The following ZNF227 variants were observed in gnomAD, a reference collection of about 807,000 sequenced individuals.
ZNF227 encodes the protein zinc finger protein 227.
A neutral mutation model predicts 13.2 loss-of-function variants in ZNF227; 12 were observed. That is an observed-to-expected ratio of 0.91 (90% CI 0.58 to 1.47). The LOEUF (loss-of-function observed/expected upper bound fraction) is 1.47. ZNF227 is among the 40% of genes most tolerant of loss of function. ZNF227 has a pLI of 0.00. For synonymous variants in ZNF227, 338 were observed against 326.0 expected, an observed-to-expected ratio of 1.04 and a Z score of -0.40; for missense variants, 885 against 967.5, an observed-to-expected ratio of 0.91 and a Z score of 1.13.
chr19:44,230,853 C>T (rs1973702931), intron 5 of ZNF227, among the ~76,000 whole-genome samples: 1 of 141,156 alleles, frequency 7.1e-6, no homozygotes, highest in Non-Finnish European at 1.5e-5. Flanking sequence ...GAGAGGATCA[C>T]TTGAGCTGAA....
intron 3 of ZNF227, among the ~76,000 whole-genome samples, chr19:44,223,319 G>C (rs530650121): frequency 6.6e-6 from 1 of 152,296 alleles, no homozygotes; most frequent in East Asian, 1.9e-4. Flanking sequence ...CTATTGATTG[G>C]AATAGTTTCA....
At chr19:44,233,452 G>T (rs1974069040) in intron 5 of ZNF227, among the ~76,000 whole-genome samples, 1 of 151,884 alleles carries the variant, frequency 6.6e-6, no homozygotes, top group South Asian at 2.1e-4. Flanking sequence ...TTAACAGTGG[G>T]GATAAAGCAA....
chr19:44,228,618 A>ATC, intron 4 of ZNF227, 46 bp downstream of exon 4: 2 of 1,559,172 alleles, frequency 1.3e-6, no homozygotes, highest in Middle Eastern at 1.7e-4. Flanking sequence ...TCCCTTGAGA[A>ATC]TCTCTTTGCT....
intron 5 of ZNF227, among the ~76,000 whole-genome samples, chr19:44,231,748 T>A (rs917439760): frequency 5.3e-5 from 8 of 152,226 alleles, no homozygotes; most frequent in African/African-American, 1.9e-4. Context: ...CCAGTGTGAT[T>A]AATTATTTGG....
At chr19:44,214,621 G>T (rs1971655617) in intron 2 of ZNF227, among the ~76,000 whole-genome samples, 1 of 151,952 alleles carries the variant, frequency 6.6e-6, no homozygotes, top group South Asian at 2.1e-4. Flanking sequence ...CAGGTAATCC[G>T]CCCACCTCGG....
At chr19:44,222,259 T>A (rs1972607066) in intron 3 of ZNF227, among the ~76,000 whole-genome samples, 1 of 152,194 alleles carries the variant, frequency 6.6e-6, no homozygotes, top group South Asian at 2.1e-4. Context: ...CTTTTTTGGT[T>A]CCATATGAAC....
In ZNF227 at chr19:44,229,822, T is replaced by C. The variant is rs1237978850; in HGVS notation, c.271+6T>C. The C allele has an allele frequency of 4.5e-6, 7 of 1,554,630 alleles. No individual in the cohort carries two copies. Among genetic ancestry groups the C allele is most frequent in the Admixed American group, 1.7e-5 (1 of 57,638 alleles). ...GGAAACAGAAACCCAAAGAAGTAGG[T>C]ATTCTGGTGAGAACCCTGTGTCTGT... On this transcript the variant is annotated splice_donor_region_variant and intron_variant, in intron 5 of 5. Coordinates refer to ENST00000313040, the MANE Select transcript of ZNF227 (RefSeq NM_182490.3).
chr19:44,228,952 A>G lies in ZNF227; in HGVS notation c.187+380A>G, dbSNP rs528944874. On this transcript the variant is annotated intron_variant, in intron 4 of 5. Coordinates refer to ENST00000313040, the MANE Select transcript of ZNF227 (RefSeq NM_182490.3). ...GGCCAGTCCAAAATAGTAGTGCTGC[A>G]GTTGCAAAACCCTGTTTTAAATGAA... 8 of 292,980 alleles carry G rather than the reference A, an allele frequency of 2.7e-5. No homozygotes were observed. The South Asian group carries it at 8.1e-4, about 30-fold the overall frequency. 18.1% of individuals were successfully genotyped at this position (292,980 alleles called of 1,614,324 possible). A position where few individuals can be genotyped will look rare whatever the true frequency, so the allele number is the denominator to read the frequency against.
chr19:44,222,223 C>G (rs920646276), intron 3 of ZNF227, among the ~76,000 whole-genome samples: 8 of 151,924 alleles, frequency 5.3e-5, no homozygotes, highest in Non-Finnish European at 1.2e-4. Flanking sequence ...TTCTTTTGGC[C>G]TAGGATTGAC....
Position 44,223,976 on chromosome 19 carries a change from A to G in ZNF227, c.61-4470A>G, listed in dbSNP as rs142456543. On this transcript the variant is annotated intron_variant, in intron 3 of 5. Coordinates refer to ENST00000313040, the MANE Select transcript of ZNF227 (RefSeq NM_182490.3). ...TCTGGTATGTTGTTCTTTGAAACCA[A>G]TGAGAACAAAGACACATCTTTATTT... 3.8e-3 allele frequency among the ~76,000 whole-genome samples: 579 copies of G among 152,284 alleles called. 1 individual carries two copies. Among genetic ancestry groups the G allele is most frequent in the African/African-American group, 0.013 (554 of 41,560 alleles).
chr19:44,234,578 A>T, intron 5 of ZNF227, 124 bp from the exon 6 acceptor site: 1 of 865,040 alleles, frequency 1.2e-6, no homozygotes, highest in Non-Finnish European at 1.7e-6. Flanking sequence ...CTGTAAGGAC[A>T]AGGTCACCTT....
intron 3 of ZNF227, among the ~76,000 whole-genome samples, chr19:44,224,995 T>C (rs888296534): frequency 2.3e-4 from 35 of 152,208 alleles, no homozygotes; most frequent in Non-Finnish European, 4.4e-4. Flanking sequence ...TTTGCTTGTC[T>C]GTAAAGTATT....
At chr19:44,229,876 T>TA (rs1317820280) in intron 5 of ZNF227, 60 bp downstream of exon 5, 15 of 1,255,944 alleles carry the variant, frequency 1.2e-5, no homozygotes, top group Non-Finnish European at 1.5e-5. Context: ...GTCTGCATCT[T>TA]ACCATGTCCA....
chr19:44,231,073 C>T (rs961258354), intron 5 of ZNF227, among the ~76,000 whole-genome samples: 1 of 150,402 alleles, frequency 6.6e-6, no homozygotes, highest in African/African-American at 2.5e-5. Flanking sequence ...CCCACACACA[C>T]AAAATTAAAA....
Position 44,232,355 on chromosome 19 carries a change from T to C in ZNF227, c.272-2347T>C, listed in dbSNP as rs2698797. Among the ~76,000 whole-genome samples, 851 of 152,310 alleles carry C rather than the reference T, an allele frequency of 5.6e-3. 4 individuals are homozygous for C. Among genetic ancestry groups the C allele is most frequent in the African/African-American group, 0.018 (767 of 41,562 alleles). On this transcript the variant is annotated intron_variant, in intron 5 of 5. Transcript: ENST00000313040. The stretch of plus-strand genomic sequence containing the variant: ...CTCTCTATATCGCTCTAAGTTTATA[T>C]ATCGCTCTAAGTTTAGGGATTCCCA...
intron 5 of ZNF227, 118 bp from the exon 6 acceptor site, chr19:44,234,584 A>C: frequency 1.1e-6 from 1 of 921,674 alleles, no homozygotes; most frequent in Admixed American, 3.0e-5. Flanking sequence ...GGACAAGGTC[A>C]CCTTTCGCCT....
At chr19:44,214,448 A>T (rs1971633295) in intron 2 of ZNF227, among the ~76,000 whole-genome samples, 1 of 150,872 alleles carries the variant, frequency 6.6e-6, no homozygotes, top group African/African-American at 2.4e-5. Context: ...GCGTGATCTC[A>T]GCTCACTGCA....
chr19:44,230,951 A>ATATATC lies in ZNF227; in HGVS notation c.271+1138_271+1139insATCTAT, dbSNP rs1244386357. ...AATATATATATATATATATATATAT[A>ATATATC]TATCTTAGCCAGGCATGTTAGCATA... is the stretch of plus-strand genomic sequence containing the variant. On this transcript the variant is annotated intron_variant, in intron 5 of 5. Transcript: ENST00000313040. 2.4e-4 allele frequency among the ~76,000 whole-genome samples: 32 copies of ATATATC among 132,704 alleles called. 1 individual carries two copies. Among genetic ancestry groups the ATATATC allele is most frequent in the African/African-American group, 9.8e-4 (31 of 31,540 alleles). 87.1% of individuals were successfully genotyped at this position (132,704 alleles called of 152,430 possible). A position where few individuals can be genotyped will look rare whatever the true frequency, so the allele number is the denominator to read the frequency against.
At position 44,217,813 on chromosome 19, in the gene ZNF227, C is replaced by T. The variant is rs780651036; in HGVS notation, c.21C>T (p.Asp7=). 1.1e-5 allele frequency: 18 copies of T among 1,614,194 alleles called. No homozygotes were observed. Among genetic ancestry groups the T allele is most frequent in the Admixed American group, 1.7e-5 (1 of 60,022 alleles). The change falls in exon 3 of 6, where the codon GAC becomes GAT. Residue 7 remains aspartate (D), a synonymous_variant. Coordinates refer to ENST00000313040, the MANE Select transcript of ZNF227 (RefSeq NM_182490.3). MPSQNY[D]LPQKKQEKMT... is the part of the protein sequence containing the mutation. ...CAGTTATGCCATCTCAGAACTATGA[C>T]CTTCCCCAGAAGAAGCAGGAGAAAA...
Sources: gnomAD v4.1 joint callset for allele counts (sites outside exome capture counted in the v4.1 genomes callset) on GRCh38, gnomAD v4.1.1 for gene constraint, MANE v1.5 for transcripts, NCBI Gene and HGNC (gene_info 2026-07-23, HGNC 2026-07-21) for gene names.